The following DOP1B variants were observed in gnomAD, a reference collection of about 807,000 sequenced individuals.
The protein encoded by DOP1B is DOP1 leucine zipper like protein B, also known as protein DOP1B.
Under a neutral mutation model 233.5 loss-of-function variants are expected in DOP1B, and 174 were observed. That is an observed-to-expected ratio of 0.75 (90% CI 0.66 to 0.85). DOP1B has a LOEUF of 0.85. Among genes scored for constraint, DOP1B ranks in the 40% least tolerant of loss-of-function variants. The pLI, the probability that DOP1B is intolerant of heterozygous loss-of-function variation, is 0.00. For synonymous variants in DOP1B, 1,190 were observed against 1,185.6 expected (o/e 1.00, Z -0.08); for missense variants, 2,652 against 2,846.6 (o/e 0.93, Z 1.56).
intron 4 of DOP1B, among the ~76,000 whole-genome samples, chr21:36,204,390 C>T (rs1222122760): frequency 1.3e-5 from 2 of 152,144 alleles, no homozygotes; most frequent in African/African-American, 2.4e-5. Context: ...TTACCCACAG[C>T]GTCACCATAT....
Position 36,293,367 on chromosome 21 carries a change from T to C in DOP1B, c.6693T>C (p.Leu2231=). ...DEITMKSEFP[L]LRQHSVSSIR... Reference sequence around the variant, plus strand: ...TCACCATGAAGAGTGAATTCCCGCTTCTGCGCCAACATTCTGTTTCCAGCA... The same window carrying C: ...TCACCATGAAGAGTGAATTCCCGCTCCTGCGCCAACATTCTGTTTCCAGCA... Residue 2231 remains leucine (L), a synonymous_variant, in exon 37 of 37, where the codon CTT becomes CTC. Coordinates refer to ENST00000691173, the MANE Select transcript of DOP1B (RefSeq NM_001320714.2). 16 of 1,614,198 alleles carry C rather than the reference T, an allele frequency of 9.9e-6. No homozygotes were observed. Among genetic ancestry groups the C allele is most frequent in the Non-Finnish European group, 1.3e-5 (15 of 1,180,036 alleles).
intron 14 of DOP1B, among the ~76,000 whole-genome samples, chr21:36,232,056 G>C (rs2066772693): frequency 6.6e-6 from 1 of 152,116 alleles, no homozygotes; most frequent in African/African-American, 2.4e-5. Context: ...ATGTTGGCCA[G>C]GATGGTCTCA....
At chr21:36,266,546 G>A (rs956347018) in intron 26 of DOP1B, among the ~76,000 whole-genome samples, 1 of 152,212 alleles carries the variant, frequency 6.6e-6, no homozygotes, top group Non-Finnish European at 1.5e-5. Context: ...GTGGGAAGGG[G>A]CACAGAGCTT....
At chr21:36,239,289 A>G (rs776009335) in intron 17 of DOP1B, among the ~76,000 whole-genome samples, 62 of 152,104 alleles carry the variant, frequency 4.1e-4, no homozygotes, top group South Asian at 6.2e-4. Context: ...GCATGCCCCT[A>G]TGAGGGGACT....
At chr21:36,247,475 C>G in intron 19 of DOP1B, 42 bp from the exon 20 acceptor site, 1 of 1,467,600 alleles carries the variant, frequency 6.8e-7, no homozygotes, top group African/African-American at 1.4e-5. Flanking sequence ...TGGCCTCATT[C>G]TTTAAAAATT....
intron 32 of DOP1B, among the ~76,000 whole-genome samples, chr21:36,285,644 C>G (rs1348000286): frequency 6.6e-6 from 1 of 152,062 alleles, no homozygotes; most frequent in Non-Finnish European, 1.5e-5. Context: ...ATGATGCCCA[C>G]ATCTGCCTCA....
At chr21:36,247,262 A>G (rs1338862972) in intron 19 of DOP1B, among the ~76,000 whole-genome samples, 1 of 152,216 alleles carries the variant, frequency 6.6e-6, no homozygotes, top group Non-Finnish European at 1.5e-5. Flanking sequence ...CTATTTTTGC[A>G]AAACAGAAAT....
intron 11 of DOP1B, 149 bp from the exon 12 acceptor site, chr21:36,225,416 A>T: frequency 1.3e-6 from 1 of 790,892 alleles, no homozygotes; most frequent in Non-Finnish European, 2.0e-6. Flanking sequence ...ACTTTAGTAG[A>T]GATGGGGTTT....
chr21:36,168,019 C>T (rs2065933153), intron 2 of DOP1B, among the ~76,000 whole-genome samples: 1 of 138,712 alleles, frequency 7.2e-6, no homozygotes, highest in African/African-American at 2.7e-5. Context: ...TCTCGGCTAA[C>T]TGCAACCTCC....
At chr21:36,260,647 C>G in intron 23 of DOP1B, 30 bp from the exon 24 acceptor site, 2 of 1,612,954 alleles carry the variant, frequency 1.2e-6, no homozygotes, top group East Asian at 2.2e-5. Flanking sequence ...CCCACCAACT[C>G]GGAGTAATTG....
chr21:36,168,764 C>G (rs1371166723), intron 2 of DOP1B, among the ~76,000 whole-genome samples: 1 of 151,996 alleles, frequency 6.6e-6, no homozygotes, highest in African/African-American at 2.4e-5. Context: ...AACTCCTGAC[C>G]TCAGGTGATC....
At position 36,199,210 on chromosome 21, in the gene DOP1B, C is replaced by T. The variant is rs748483414; in HGVS notation, c.279C>T (p.Ile93=). The T allele has an allele frequency of 8.7e-6, 14 of 1,614,118 alleles. No homozygotes were observed. The highest frequency in any genetic ancestry group is 6.7e-5 in the East Asian group (3 of 44,888). The change falls in exon 3 of 37, where the codon ATC becomes ATT. Residue 93 remains isoleucine (I), a synonymous_variant. Coordinates refer to ENST00000691173, the MANE Select transcript of DOP1B (RefSeq NM_001320714.2). ...AAACCTACGAGATTATCTTTAAAAT[C>T]GTGGGGACCAAATGGCTGGCCAAGG... ...ALETYEIIFK[I]VGTKWLAKDL... is the part of the protein sequence containing the mutation.
intron 1 of DOP1B, among the ~76,000 whole-genome samples, chr21:36,157,703 A>G (rs1329219861): frequency 1.3e-5 from 2 of 152,210 alleles, no homozygotes; most frequent in African/African-American, 4.8e-5. Flanking sequence ...CCACATTCAA[A>G]ACAGTGTGTC....
intron 2 of DOP1B, among the ~76,000 whole-genome samples, chr21:36,176,911 C>T (rs1601384540): frequency 6.6e-6 from 1 of 152,134 alleles, no homozygotes; most frequent in East Asian, 1.9e-4. Context: ...CTCCACCTCC[C>T]AGGTTCAAGT....
intron 5 of DOP1B, among the ~76,000 whole-genome samples, chr21:36,211,074 G>A (rs894586923): frequency 3.3e-5 from 5 of 152,156 alleles, no homozygotes; most frequent in Admixed American, 6.5e-5. Flanking sequence ...CAGCTTTCCC[G>A]TGGAGCATCA....
At chr21:36,209,487 C>T (rs572807674) in intron 5 of DOP1B, among the ~76,000 whole-genome samples, 1 of 152,358 alleles carries the variant, frequency 6.6e-6, no homozygotes, top group South Asian at 2.1e-4. Flanking sequence ...GCACACGGCG[C>T]TCAGACGGCC....
chr21:36,204,754 A>G (rs544120959), intron 4 of DOP1B, among the ~76,000 whole-genome samples: 99 of 144,612 alleles, frequency 6.8e-4, no homozygotes, highest in African/African-American at 2.6e-3. Context: ...TCCCGGGTAC[A>G]AGCGATTCTC....
At chr21:36,277,907 G>C (rs1035811848) in intron 28 of DOP1B, 68 bp from the exon 29 acceptor site, 6 of 1,288,664 alleles carry the variant, frequency 4.7e-6, no homozygotes, top group Non-Finnish European at 5.6e-6. Context: ...CTCCCGAAGT[G>C]CTGGGATTAC....
chr21:36,234,471 T>G (rs1295706201), intron 15 of DOP1B, among the ~76,000 whole-genome samples: 2 of 152,172 alleles, frequency 1.3e-5, no homozygotes. Flanking sequence ...AAGTTCTTAC[T>G]GAAGCCTTGA....
Sources: gnomAD v4.1 joint callset for allele counts (sites outside exome capture counted in the v4.1 genomes callset) on GRCh38, gnomAD v4.1.1 for gene constraint, MANE v1.5 for transcripts, NCBI Gene and HGNC (gene_info 2026-07-23, HGNC 2026-07-21) for gene names.